Variants in IFIT3 observed in about 807,000 individuals in gnomAD.
IFIT3 encodes the protein interferon induced protein with tetratricopeptide repeats 3.
Under a neutral mutation model 2.4 loss-of-function variants are expected in IFIT3, and 2 were observed. That is an observed-to-expected ratio of 0.82 (90% CI 0.34 to 2.60). The LOEUF is 2.60. Among genes scored for constraint, IFIT3 ranks in the 30% most tolerant of loss-of-function variants. The pLI is 0.11. For missense variants in IFIT3, 481 were observed against 562.4 expected, an observed-to-expected ratio of 0.86 and a Z score of 1.46; for synonymous variants, 203 against 212.1, an observed-to-expected ratio of 0.96 and a Z score of 0.37.
chr10:89,329,756 G>GTAGT (rs1843631770), intron 1 of IFIT3, among the ~76,000 whole-genome samples: 2 of 152,158 alleles, frequency 1.3e-5, no homozygotes, highest in African/African-American at 4.8e-5. Context: ...TTTGTGATCT[G>GTAGT]TAGTTAGTGG....
At chr10:89,329,016 T>C (rs1274429403) in intron 1 of IFIT3, among the ~76,000 whole-genome samples, 1 of 152,166 alleles carries the variant, frequency 6.6e-6, no homozygotes, top group African/African-American at 2.4e-5. Context: ...CTCAGTAAAC[T>C]TGATTTTTAA....
chr10:89,339,345 T>C lies in IFIT3; in HGVS notation c.690T>C (p.Val230=). 8 of 1,613,684 alleles carry C rather than the reference T, an allele frequency of 5.0e-6. No individual in the cohort carries two copies. The highest frequency in any genetic ancestry group is 6.8e-6 in the Non-Finnish European group (8 of 1,179,858). ...MNKEAEGEQF[V]EEALEKSPCQ... ...AAGAAGCTGAAGGAGAGCAGTTTGT[T>C]GAAGAAGCCTTGGAAAAGTCTCCTT... Residue 230 remains valine, a synonymous_variant, in exon 2 of 2, where the codon GTT becomes GTC. Coordinates refer to ENST00000371818, the MANE Select transcript of IFIT3 (RefSeq NM_001549.6).
rs778755035 is a variant in IFIT3, at chr10:89,339,450, A to G, written c.795A>G (p.Gln265=). The G allele has an allele frequency of 2.5e-6, 4 of 1,614,186 alleles. No individual in the cohort carries two copies. The highest frequency in any genetic ancestry group is 3.4e-6 in the Non-Finnish European group (4 of 1,180,010). Residue 265 remains glutamine, a synonymous_variant, in exon 2 of 2, where the codon CAA becomes CAG. Coordinates refer to ENST00000371818, the MANE Select transcript of IFIT3 (RefSeq NM_001549.6). ...TAGACAAAGCTATTGAACTGTTTCA[A>G]CGGGTGTTGGAATCCACACCAAACA... ...GDLDKAIELF[Q]RVLESTPNNG...
At chr10:89,328,562 T>C (rs1843621238) in intron 1 of IFIT3, among the ~76,000 whole-genome samples, 1 of 152,214 alleles carries the variant, frequency 6.6e-6, no homozygotes, top group Non-Finnish European at 1.5e-5. Flanking sequence ...TTGTGAAAGA[T>C]ACAATCAGTA....
chr10:89,332,568 A>T lies in IFIT3; in HGVS notation c.5+4490A>T. ...AGCATTTGCTTGGAATCAGTAAGCTAAAAACAAAATCAACCGGGACCCCAG... is the reference window on the plus strand; with the variant it reads ...AGCATTTGCTTGGAATCAGTAAGCTTAAAACAAAATCAACCGGGACCCCAG... On this transcript the variant is annotated intron_variant, in intron 1 of 1. Transcript: ENST00000371818. The T allele has an allele frequency of 2.5e-6, 4 of 1,614,018 alleles. No individual in the cohort carries two copies. The East Asian group carries it at 8.9e-5, about 36-fold the overall frequency.
Position 89,332,842 on chromosome 10 carries a change from G to GGGAGCTT in IFIT3, c.5+4767_5+4768insGCTTGGA, listed in dbSNP as rs71310979. On this transcript the variant is annotated intron_variant, in intron 1 of 1. Coordinates refer to ENST00000371818, the MANE Select transcript of IFIT3 (RefSeq NM_001549.6). ...CACAGGGAAATGGGAGCTGGGAGCT[G>GGGAGCTT]GGAAGGGACGGGGCATATTGAGAGA... 8.5e-3 allele frequency among the ~76,000 whole-genome samples: 1,301 copies of GGGAGCTT among 152,326 alleles called. 8 individuals carry two copies. The highest frequency in any genetic ancestry group is 0.02 in the Middle Eastern group (6 of 294).
chr10:89,340,049 A>T lies in IFIT3; in HGVS notation c.1394A>T (p.Asp465Val). 1 of 1,614,110 alleles carries T rather than the reference A, an allele frequency of 6.2e-7. No individual in the cohort carries two copies. Among genetic ancestry groups the T allele is most frequent in the Non-Finnish European group, 8.5e-7 (1 of 1,179,994 alleles). The change falls in exon 2 of 2, where the codon GAT becomes GTT. Residue 465 changes from aspartate (D) to valine (V), a missense_variant. Coordinates refer to ENST00000371818, the MANE Select transcript of IFIT3 (RefSeq NM_001549.6). ...TTCCTGTCAGCATCTGAGCTTGAGG[A>T]TGGTAGTGAGGAAATGGGCCAGGGC... The part of the protein sequence containing the change: ...SIFLSASELE[D>V]GSEEMGQGAV...
Position 89,339,663 on chromosome 10 carries a change from T to G in IFIT3, c.1008T>G (p.Ala336=), listed in dbSNP as rs1373361794. The change falls in exon 2 of 2, where the codon GCT becomes GCG. Residue 336 remains alanine (A), a synonymous_variant. Coordinates refer to ENST00000371818, the MANE Select transcript of IFIT3 (RefSeq NM_001549.6). The part of the protein sequence containing the change: ...LNPLNAYSDL[A]EFLETECYQT... ...CTCTGAATGCATACTCCGATCTCGC[T>G]GAGTTCCTGGAGACGGAATGTTATC... 1 of 1,614,230 alleles carries G rather than the reference T, an allele frequency of 6.2e-7. No individual in the cohort carries two copies. The highest frequency in any genetic ancestry group is 1.1e-5 in the South Asian group (1 of 91,092).
chr10:89,334,775 GC>G lies in IFIT3; in HGVS notation c.6-3884del, dbSNP rs919062784. Among the ~76,000 whole-genome samples, 116 of 152,052 alleles carry G rather than the reference GC, an allele frequency of 7.6e-4. 1 individual carries two copies. The highest frequency in any genetic ancestry group is 2.7e-3 in the African/African-American group (113 of 41,502). On this transcript the variant is annotated intron_variant, in intron 1 of 1. Coordinates refer to ENST00000371818, the MANE Select transcript of IFIT3 (RefSeq NM_001549.6). Reference sequence around the variant, plus strand: ...CAAAATGCTGGGATTACAGGTGTGAGCCACCGCGCCCGGCCACCTAGCTGTT... The same window carrying G: ...CAAAATGCTGGGATTACAGGTGTGAGCACCGCGCCCGGCCACCTAGCTGTT...
chr10:89,328,614 G>A (rs746920944), intron 1 of IFIT3, among the ~76,000 whole-genome samples: 100 of 152,108 alleles, frequency 6.6e-4, no homozygotes, highest in Non-Finnish European at 1.1e-3. Flanking sequence ...GCCCTGAAAC[G>A]TTGCATTACT....
At chr10:89,331,233 C>A (rs1229086938) in intron 1 of IFIT3, among the ~76,000 whole-genome samples, 2 of 152,108 alleles carry the variant, frequency 1.3e-5, no homozygotes, top group African/African-American at 4.8e-5. Flanking sequence ...AGTGCAGTGG[C>A]CCGATCATGG....
chr10:89,330,755 A>AC (rs1554875928), intron 1 of IFIT3, among the ~76,000 whole-genome samples: 1 of 152,078 alleles, frequency 6.6e-6, no homozygotes, highest in African/African-American at 2.4e-5. Flanking sequence ...TTCACTCAAG[A>AC]TGCCTGATAA....
chr10:89,331,821 T>G (rs1382514496), intron 1 of IFIT3, among the ~76,000 whole-genome samples: 1 of 140,862 alleles, frequency 7.1e-6, no homozygotes, highest in Non-Finnish European at 1.5e-5. Flanking sequence ...ATCGTGCTAC[T>G]GCACTCCAGC....
At chr10:89,332,949 T>C (rs4630205) in intron 1 of IFIT3, among the ~76,000 whole-genome samples, 49,083 of 152,050 alleles carry the variant, frequency 0.32, 9,083 homozygotes, top group African/African-American at 0.5. Context: ...TACTGGAGGT[T>C]CTGGTTCGTC....
rs773438268 is a variant in IFIT3, at chr10:89,339,827, A to G, written c.1172A>G (p.Lys391Arg). 45 of 1,614,104 alleles carry G rather than the reference A, an allele frequency of 2.8e-5. No homozygotes were observed. Among genetic ancestry groups the G allele is most frequent in the Admixed American group, 1.0e-4 (6 of 60,008 alleles). ...TTAGAGGGTTTGTCCATAAGCAAAA[A>G]ATCAACTGACAAGGAAGAGATCAAA... Reference protein sequence around the residue: ...HGLEGLSISKKSTDKEEIKDQ... With the variant: ...HGLEGLSISKRSTDKEEIKDQ... The change falls in exon 2 of 2, where the codon AAA becomes AGA. Residue 391 changes from lysine (K) to arginine (R), a missense_variant. Coordinates refer to ENST00000371818, the MANE Select transcript of IFIT3 (RefSeq NM_001549.6).
In IFIT3 at chr10:89,339,588, G is replaced by A. The variant is rs1296011534; in HGVS notation, c.933G>A (p.Lys311=). The stretch of plus-strand genomic sequence containing the variant: ...ATAAAGAGATGATTGAAGCACTAAA[G>A]CAATATGCTATGGACTATTCGAATA... ...SGNKEMIEAL[K]QYAMDYSNKA... is the part of the protein sequence containing the mutation. The change falls in exon 2 of 2, where the codon AAG becomes AAA. Residue 311 remains lysine (K), a synonymous_variant. Coordinates refer to ENST00000371818, the MANE Select transcript of IFIT3 (RefSeq NM_001549.6). 7 of 1,614,056 alleles carry A rather than the reference G, an allele frequency of 4.3e-6. No individual in the cohort carries two copies. The highest frequency in any genetic ancestry group is 5.9e-6 in the Non-Finnish European group (7 of 1,180,010).
chr10:89,328,256 T>TACAC (rs1443713000), intron 1 of IFIT3, among the ~76,000 whole-genome samples, 178 bp downstream of exon 1: 1 of 152,204 alleles, frequency 6.6e-6, no homozygotes, highest in Non-Finnish European at 1.5e-5. Flanking sequence ...TTTTTTGGTG[T>TACAC]ACACACAGGC....
At chr10:89,328,099 T>C in intron 1 of IFIT3, 21 bp downstream of exon 1, 1 of 1,612,976 alleles carries the variant, frequency 6.2e-7, no homozygotes, top group Non-Finnish European at 8.5e-7. Context: ...TAAGAATGCA[T>C]AATCATGCTT....
In IFIT3 at chr10:89,339,327, T is replaced by C; in HGVS notation, c.672T>C (p.Ala224=). 1 of 1,613,818 alleles carries C rather than the reference T, an allele frequency of 6.2e-7. No individual in the cohort carries two copies. The highest frequency in any genetic ancestry group is 8.5e-7 in the Non-Finnish European group (1 of 1,179,888). Residue 224 remains alanine (A), a synonymous_variant, in exon 2 of 2, where the codon GCT becomes GCC. Transcript: ENST00000371818. ...GLKLQKMNKE[A]EGEQFVEEAL... The stretch of plus-strand genomic sequence containing the variant: ...AACTGCAGAAGATGAATAAAGAAGC[T>C]GAAGGAGAGCAGTTTGTTGAAGAAG...
Sources: gnomAD v4.1 joint callset for allele counts (sites outside exome capture counted in the v4.1 genomes callset) on GRCh38, gnomAD v4.1.1 for gene constraint, MANE v1.5 for transcripts, NCBI Gene and HGNC (gene_info 2026-07-23, HGNC 2026-07-21) for gene names.